DNAH8: variants seen among roughly 807,000 people sequenced by gnomAD.
DNAH8 encodes dynein axonemal heavy chain 8.
A neutral mutation model predicts 562.1 loss-of-function variants in DNAH8; 382 were observed. The observed-to-expected ratio is 0.68, with a 90% CI of 0.63 to 0.74. DNAH8 has a LOEUF of 0.74. Among genes scored for constraint, DNAH8 ranks in the 30% least tolerant of loss-of-function variants. The pLI is 0.00. For synonymous variants in DNAH8, 1,881 were observed against 1,919.4 expected (o/e 0.98, Z 0.52); for missense variants, 5,203 against 5,620.4 (o/e 0.93, Z 2.37).
At chr6:39,028,139 G>A (rs1359564146) in intron 92 of DNAH8, among the ~76,000 whole-genome samples, 3 of 152,138 alleles carry the variant, frequency 2.0e-5, no homozygotes, top group Admixed American at 1.3e-4. Flanking sequence ...CTTTTAGGCA[G>A]TTTCAAAATT....
chr6:38,957,618 C>G (rs897946083), intron 82 of DNAH8, among the ~76,000 whole-genome samples: 5 of 151,380 alleles, frequency 3.3e-5, no homozygotes, highest in Admixed American at 2.6e-4. Context: ...AAACTGGAAA[C>G]CTACCAAGTA....
chr6:38,739,694 A>G (rs1764376774), intron 7 of DNAH8, among the ~76,000 whole-genome samples: 1 of 152,098 alleles, frequency 6.6e-6, no homozygotes. Flanking sequence ...GCGCCTTAAA[A>G]TGTCCTTGCG....
intron 91 of DNAH8, among the ~76,000 whole-genome samples, chr6:39,016,450 C>A (rs1219568271): frequency 2.0e-5 from 3 of 151,358 alleles, no homozygotes; most frequent in African/African-American, 7.3e-5. Context: ...ACTCGGGAGG[C>A]TGAGGCAGGA....
At position 39,017,105 on chromosome 6, in the gene DNAH8, G is replaced by A. The variant is rs191667454; in HGVS notation, c.13714+4468G>A. On this transcript the variant is annotated intron_variant, in intron 91 of 92. Transcript: ENST00000327475. ...CCTGTGATAGTTTTTTCAATGTGCA[G>A]CTTTTTTCTGTGTGTGGATTTGTCT... Among the ~76,000 whole-genome samples, 63 of 152,326 alleles carry A rather than the reference G, an allele frequency of 4.1e-4. 1 individual carries two copies. The East Asian group carries it at 0.011, about 27-fold the overall frequency.
chr6:38,917,138 T>C, intron 68 of DNAH8, 101 bp from the exon 69 acceptor site: 1 of 828,664 alleles, frequency 1.2e-6, no homozygotes, highest in Non-Finnish European at 1.7e-6. Flanking sequence ...AGAAAATATG[T>C]TTTAAAGTTT....
At chr6:38,787,033 G>T (rs1222321793) in intron 18 of DNAH8, 81 bp downstream of exon 18, 2 of 790,410 alleles carry the variant, frequency 2.5e-6, no homozygotes, top group Non-Finnish European at 3.6e-6. Context: ...ATATATCCCT[G>T]CAGTTATGCT....
rs376051492 is a variant in DNAH8, at chr6:38,873,152, G to T, written c.7479+5G>T. ...AGCTGGAGGCCAATCTTACAGGTGG[G>T]GCAGAGAGATGGGAAGAAGAACCCT... On this transcript the variant is annotated splice_donor_5th_base_variant and intron_variant, in intron 51 of 92. Transcript: ENST00000327475. The T allele has an allele frequency of 9.9e-6, 16 of 1,613,186 alleles. No homozygotes were observed. The African/African-American group carries it at 2.1e-4, about 22-fold the overall frequency.
chr6:38,873,107 A>G lies in DNAH8; in HGVS notation c.7439A>G (p.Tyr2480Cys), dbSNP rs776175035. ...ACGGTTTCTAGGATGGGCATGGTCT[A>G]TATCAGCAGCTCTGCTCTCAGCTGG... is the stretch of plus-strand genomic sequence containing the variant. ...PATVSRMGMVYISSSALSWRP... is the reference protein window; with the variant it reads ...PATVSRMGMVCISSSALSWRP... The change falls in exon 51 of 93, where the codon TAT (tyrosine) becomes TGT (cysteine). Residue 2480 changes from tyrosine to cysteine, a missense_variant. Transcript: ENST00000327475. The G allele has an allele frequency of 1.7e-5, 27 of 1,613,906 alleles. No homozygotes were observed. In the South Asian group the frequency reaches 2.2e-4, roughly 13 times the overall value.
chr6:38,906,056 C>T (rs544512496), intron 62 of DNAH8, among the ~76,000 whole-genome samples, 198 bp from the exon 63 acceptor site: 1 of 152,008 alleles, frequency 6.6e-6, no homozygotes, highest in East Asian at 1.9e-4. Context: ...TAGGCACACA[C>T]CACACACTTG....
intron 36 of DNAH8, among the ~76,000 whole-genome samples, chr6:38,847,948 G>A (rs183482542): frequency 6.6e-6 from 1 of 152,158 alleles, no homozygotes; most frequent in East Asian, 1.9e-4. Context: ...GCTATATGGG[G>A]GTAGCAACCC....
chr6:38,790,551 A>C (rs1229218726), intron 20 of DNAH8, 146 bp downstream of exon 20: 1 of 463,216 alleles, frequency 2.2e-6, no homozygotes, highest in African/African-American at 2.1e-5. Flanking sequence ...TGGGCTGGGC[A>C]CAGTGGCTCA....
intron 68 of DNAH8, 147 bp downstream of exon 68, chr6:38,915,524 A>G (rs937919879): frequency 1.4e-6 from 1 of 717,908 alleles, no homozygotes; most frequent in Non-Finnish European, 2.0e-6. Flanking sequence ...CAATTAATTC[A>G]GTTTTCTAAG....
chr6:38,948,412 C>G (rs1005411091), intron 80 of DNAH8, among the ~76,000 whole-genome samples: 1 of 152,094 alleles, frequency 6.6e-6, no homozygotes, highest in African/African-American at 2.4e-5. Context: ...AATCTTGGCT[C>G]ACAGCAACAT....
intron 24 of DNAH8, among the ~76,000 whole-genome samples, chr6:38,809,639 C>G (rs989579380): frequency 1.3e-5 from 2 of 152,132 alleles, no homozygotes; most frequent in Non-Finnish European, 2.9e-5. Context: ...TCTTTAATAT[C>G]TCTCTGTGAC....
chr6:38,898,448 A>G, intron 61 of DNAH8, 68 bp downstream of exon 61: 2 of 1,362,200 alleles, frequency 1.5e-6, no homozygotes, highest in Non-Finnish European at 1.9e-6. Context: ...TCATAGATAA[A>G]TTTTTTGAGA....
chr6:38,944,908 C>G (rs113627703), intron 79 of DNAH8, among the ~76,000 whole-genome samples: 32 of 152,138 alleles, frequency 2.1e-4, no homozygotes, highest in East Asian at 1.2e-3. Context: ...TTATTCCCCC[C>G]CTCTTTTTAT....
chr6:38,843,121 A>G (rs1007060818), intron 35 of DNAH8, among the ~76,000 whole-genome samples: 9 of 152,038 alleles, frequency 5.9e-5, no homozygotes, highest in African/African-American at 7.3e-5. Flanking sequence ...TTTGAAATAC[A>G]TTTGTTCTGG....
rs764365988 is a variant in DNAH8 at position 39,030,263 on chromosome 6, T to A, written c.13995T>A (p.Tyr4665Ter). The change falls in exon 93 of 93, where the codon TAT becomes TAA. Residue 4665 changes from tyrosine (Y) to a stop codon, truncating the protein, a stop_gained. Coordinates refer to ENST00000327475, the MANE Select transcript of DNAH8 (RefSeq NM_001206927.2). LOFTEE classifies it high-confidence loss of function. The part of the protein sequence containing the change: ...NSTAPKDPKL[Y>*]VCPIYKKPRR... Reference sequence around the variant, plus strand: ...CGGCACCCAAGGACCCCAAGCTGTATGTGTGTCCTATTTACAAGAAACCCA... The same window carrying A: ...CGGCACCCAAGGACCCCAAGCTGTAAGTGTGTCCTATTTACAAGAAACCCA... 6.2e-7 allele frequency: 1 copy of A among 1,614,168 alleles called. No homozygotes were observed. Among genetic ancestry groups the A allele is most frequent in the Non-Finnish European group, 8.5e-7 (1 of 1,180,038 alleles).
At chr6:38,839,684 C>T (rs546961739) in intron 33 of DNAH8, among the ~76,000 whole-genome samples, 2 of 149,948 alleles carry the variant, frequency 1.3e-5, no homozygotes, top group East Asian at 2.0e-4. Context: ...TTTTTTGAGA[C>T]GGAGTTTCAC....
Sources: allele counts gnomAD v4.1 joint callset (sites outside exome capture counted in the v4.1 genomes callset), GRCh38; gene constraint gnomAD v4.1.1; transcripts MANE v1.5; gene names NCBI Gene and HGNC (gene_info 2026-07-23, HGNC 2026-07-21).